TMEM135: variants seen among roughly 807,000 people sequenced by gnomAD.
TMEM135 encodes the protein peroxisomal membrane protein 52.
In TMEM135, 30 loss-of-function variants were observed where a neutral mutation model predicts 60.3. The observed-to-expected ratio is 0.50, with a 90% confidence interval of 0.37 to 0.68. The LOEUF (loss-of-function observed/expected upper bound fraction) is 0.68. Among genes scored for constraint, TMEM135 ranks in the 30% least tolerant of loss-of-function variants. TMEM135 has a pLI of 0.00. For missense variants in TMEM135, 468 were observed against 548.8 expected, an observed-to-expected ratio of 0.85 and a Z score of 1.47; for synonymous variants, 190 against 186.7, an observed-to-expected ratio of 1.02 and a Z score of -0.14.
intron 6 of TMEM135, among the ~76,000 whole-genome samples, chr11:87,279,893 C>T (rs1220822477): frequency 6.6e-6 from 1 of 152,158 alleles, no homozygotes; most frequent in East Asian, 1.9e-4. Context: ...GGATGAATGC[C>T]TGAGTGAATA....
At chr11:87,195,249 G>A (rs1396849042) in intron 5 of TMEM135, among the ~76,000 whole-genome samples, 6 of 151,394 alleles carry the variant, frequency 4.0e-5, no homozygotes, top group Non-Finnish European at 8.8e-5. Flanking sequence ...TTTAAAATAT[G>A]ATTCTGACAA....
At position 87,180,215 on chromosome 11, in the gene TMEM135, G is replaced by A. The variant is rs190756999; in HGVS notation, c.462+22809G>A. On this transcript the variant is annotated intron_variant, in intron 5 of 14. Transcript: ENST00000305494. ...ATCATGAGGCCGTTCCCCTGCAATGGTAGTGGTGGTGGCAATGGCAACTAT... is the reference window on the plus strand; with the variant it reads ...ATCATGAGGCCGTTCCCCTGCAATGATAGTGGTGGTGGCAATGGCAACTAT... Among the ~76,000 whole-genome samples the A allele has an allele frequency of 2.3e-3, 355 of 152,182 alleles. 2 individuals carry two copies. Among genetic ancestry groups the A allele is most frequent in the Non-Finnish European group, 4.3e-3 (292 of 68,002 alleles).
intron 4 of TMEM135, among the ~76,000 whole-genome samples, chr11:87,116,646 CAG>C (rs1326147438): frequency 2.7e-3 from 117 of 43,426 alleles, no homozygotes; most frequent in Non-Finnish European, 3.3e-3. Context: ...CACACACACA[CAG>C]ACACACACAT....
Position 87,215,940 on chromosome 11 carries a change from G to A in TMEM135, c.463-20698G>A, listed in dbSNP as rs1940491045. 2.6e-5 allele frequency among the ~76,000 whole-genome samples: 4 copies of A among 152,014 alleles called. No homozygotes were observed. In the South Asian group the frequency reaches 8.3e-4, roughly 31 times the overall value. ...TCTTAACCATAGTGTCAATAGTTTTGCTTTTCCTGGTTTTAGTTACCTGTG... is the reference window on the plus strand; with the variant it reads ...TCTTAACCATAGTGTCAATAGTTTTACTTTTCCTGGTTTTAGTTACCTGTG... On this transcript the variant is annotated intron_variant, in intron 5 of 14. Transcript: ENST00000305494.
chr11:87,191,052 C>G (rs574256794), intron 5 of TMEM135, among the ~76,000 whole-genome samples: 1 of 152,182 alleles, frequency 6.6e-6, no homozygotes, highest in African/African-American at 2.4e-5. Flanking sequence ...TTCACATAGC[C>G]GTTGACACAA....
Position 87,237,219 on chromosome 11 carries a change from G to A in TMEM135, c.509+535G>A, listed in dbSNP as rs548931459. On this transcript the variant is annotated intron_variant, in intron 6 of 14. Transcript: ENST00000305494. Reference sequence around the variant, plus strand: ...GGGCTAAGGGGAAGAGTGTTAGGATGGCCCAAGATTTAAATGCCAGTAAGA... The same window carrying A: ...GGGCTAAGGGGAAGAGTGTTAGGATAGCCCAAGATTTAAATGCCAGTAAGA... Among the ~76,000 whole-genome samples the A allele has an allele frequency of 2.0e-5, 3 of 152,050 alleles. 1 individual carries two copies. In the South Asian group the frequency reaches 6.2e-4, roughly 32 times the overall value.
rs1452073034 is a variant in TMEM135 at position 87,328,606 on chromosome 11, A to G, written c.*7273A>G. ...GAGAACATACAGAATTTGATTTTCT[A>G]TTCCGGAGTTACTTTACTTAGAATA... On this transcript the variant is annotated 3_prime_UTR_variant, in exon 15 of 15. Coordinates refer to ENST00000305494, the MANE Select transcript of TMEM135 (RefSeq NM_022918.4). The G allele has an allele frequency of 1.5e-5, 7 of 453,946 alleles. No individual in the cohort carries two copies. The highest frequency in any genetic ancestry group is 1.2e-4 in the Admixed American group (5 of 42,546). The allele number at this position is 453,946 out of a possible 1,614,324, so 28.1% of individuals were successfully genotyped here. A position where few individuals can be genotyped will look rare whatever the true frequency, so the allele number is the denominator to read the frequency against.
chr11:87,292,614 CTT>C (rs35182116), intron 6 of TMEM135, among the ~76,000 whole-genome samples: 95,548 of 151,798 alleles, frequency 0.63, 30,335 homozygotes, highest in Non-Finnish European at 0.67. Context: ...ATACAATACT[CTT>C]AGTGTCAAAA....
chr11:87,195,314 T>TTTCCTTCCTTCC (rs58025103), intron 5 of TMEM135, among the ~76,000 whole-genome samples: 68 of 65,704 alleles, frequency 1.0e-3, no homozygotes, highest in African/African-American at 1.5e-3. Context: ...TTTCTTTCTC[T>TTTCCTTCCTTCC]TTCCTTCCTT....
At chr11:87,124,174 T>A (rs1479902981) in intron 4 of TMEM135, among the ~76,000 whole-genome samples, 118 of 152,176 alleles carry the variant, frequency 7.8e-4, no homozygotes, top group Non-Finnish European at 8.8e-5. Flanking sequence ...AGAAACCAAT[T>A]TGGTTGGCTT....
chr11:87,315,854 A>AT (rs1480519106), intron 12 of TMEM135, among the ~76,000 whole-genome samples: 1 of 151,880 alleles, frequency 6.6e-6, no homozygotes, highest in African/African-American at 2.4e-5. Flanking sequence ...TATATGATTT[A>AT]TTTTCATTAT....
chr11:87,038,341 G>A (rs188981992), intron 1 of TMEM135, among the ~76,000 whole-genome samples, 155 bp downstream of exon 1: 4 of 152,024 alleles, frequency 2.6e-5, no homozygotes, highest in African/African-American at 9.6e-5. Context: ...AGGGGGAAGG[G>A]GGAGGTCGCA....
chr11:87,184,301 A>G (rs1315129892), intron 5 of TMEM135, among the ~76,000 whole-genome samples: 2 of 152,218 alleles, frequency 1.3e-5, no homozygotes, highest in African/African-American at 4.8e-5. Flanking sequence ...TATTACCTGA[A>G]TAATTGGATT....
chr11:87,209,511 T>C (rs1474089333), intron 5 of TMEM135, among the ~76,000 whole-genome samples: 1 of 152,196 alleles, frequency 6.6e-6, no homozygotes, highest in Non-Finnish European at 1.5e-5. Flanking sequence ...ATCTTAAATA[T>C]ATATGCACTC....
intron 1 of TMEM135, among the ~76,000 whole-genome samples, chr11:87,045,853 T>C (rs1322371681): frequency 6.6e-6 from 1 of 152,238 alleles, no homozygotes; most frequent in African/African-American, 2.4e-5. Context: ...ACCTAGACTA[T>C]TGGTATTGAA....
chr11:87,122,439 A>G (rs10898602), intron 4 of TMEM135, among the ~76,000 whole-genome samples: 1 of 80,454 alleles, frequency 1.2e-5, no homozygotes, highest in Non-Finnish European at 2.4e-5. Flanking sequence ...TAGTTTTTAT[A>G]TTTATTTATT....
At position 87,324,913 on chromosome 11, in the gene TMEM135, A is replaced by G; in HGVS notation, c.*3580A>G. Reference sequence around the variant, plus strand: ...TTCACTCAGCTGAAAATGAGTGGCCAAGAAAAAAATACAAGAAAAGGAATA... The same window carrying G: ...TTCACTCAGCTGAAAATGAGTGGCCGAGAAAAAAATACAAGAAAAGGAATA... On this transcript the variant is annotated 3_prime_UTR_variant, in exon 15 of 15. Transcript: ENST00000305494. The G allele has an allele frequency of 2.2e-6, 1 of 454,042 alleles. No homozygotes were observed. Among genetic ancestry groups the G allele is most frequent in the South Asian group, 1.6e-5 (1 of 64,470 alleles). The allele number at this position is 454,042 out of a possible 1,614,324, so 28.1% of individuals were successfully genotyped here. A position where few individuals can be genotyped will look rare whatever the true frequency, so the allele number is the denominator to read the frequency against.
chr11:87,245,927 T>A (rs10898630), intron 6 of TMEM135, among the ~76,000 whole-genome samples: 7,548 of 47,196 alleles, frequency 0.16, 1,238 homozygotes, highest in Middle Eastern at 0.31. Flanking sequence ...TCGTTAGTTG[T>A]TGCAATTTCT....
At chr11:87,177,860 C>T (rs902833019) in intron 5 of TMEM135, among the ~76,000 whole-genome samples, 5 of 152,066 alleles carry the variant, frequency 3.3e-5, no homozygotes, top group Non-Finnish European at 7.4e-5. Context: ...ATTGGAGATT[C>T]CCAAATGTAT....
Sources: gnomAD v4.1 joint callset for allele counts (sites outside exome capture counted in the v4.1 genomes callset) on GRCh38, gnomAD v4.1.1 for gene constraint, MANE v1.5 for transcripts, NCBI Gene and HGNC (gene_info 2026-07-23, HGNC 2026-07-21) for gene names.